GSE1: variants seen among roughly 807,000 people sequenced by gnomAD.
GSE1 encodes genetic suppressor element 1.
In GSE1, 32 loss-of-function variants were observed where a neutral mutation model predicts 112.6. The observed-to-expected ratio is 0.28, with a 90% CI of 0.21 to 0.38. The LOEUF is 0.38. Ranked by LOEUF, GSE1 falls within the 10% of genes least tolerant of loss-of-function variation. The pLI, the probability that GSE1 is intolerant of heterozygous loss-of-function variation, is 1.00. For synonymous variants in GSE1, 1,115 were observed against 735.6 expected, an observed-to-expected ratio of 1.52 and a Z score of -8.35; for missense variants, 2,348 against 1,699.2, an observed-to-expected ratio of 1.38 and a Z score of -6.71.
intron 1 of GSE1, among the ~76,000 whole-genome samples, chr16:85,191,767 G>A (rs4627330): frequency 6.6e-6 from 1 of 152,190 alleles, no homozygotes; most frequent in Non-Finnish European, 1.5e-5. Context: ...CCCCGGGTGA[G>A]AAGGGCCGCT....
intron 1 of GSE1, among the ~76,000 whole-genome samples, 158 bp from the exon 2 acceptor site, chr16:85,633,756 A>G (rs2151746375): frequency 6.6e-6 from 1 of 152,236 alleles, no homozygotes; most frequent in Middle Eastern, 3.4e-3. Flanking sequence ...TTCTCTCTGC[A>G]GCGCTGGCTC....
intron 13 of GSE1, 60 bp from the exon 14 acceptor site, chr16:85,668,080 G>A: frequency 7.5e-7 from 1 of 1,333,992 alleles, no homozygotes; most frequent in Non-Finnish European, 1.0e-6. Flanking sequence ...GCTCCCTTCT[G>A]AGACAGCACC....
intron 2 of GSE1, among the ~76,000 whole-genome samples, chr16:85,384,295 G>A (rs1032332418): frequency 4.6e-5 from 7 of 152,142 alleles, no homozygotes; most frequent in East Asian, 1.9e-4. Context: ...GGTGGCGAGC[G>A]GCCCATCCTG....
chr16:85,593,941 CG>C (rs1331351149), intron 1 of GSE1: 1 of 151,470 alleles, frequency 6.6e-6, no homozygotes, highest in Non-Finnish European at 1.5e-5. Flanking sequence ...TGGAGGGGCT[CG>C]GAAGCAGTGC....
At chr16:85,264,936 C>T (rs767697948) in intron 1 of GSE1, among the ~76,000 whole-genome samples, 29 of 152,184 alleles carry the variant, frequency 1.9e-4, no homozygotes, top group Non-Finnish European at 3.7e-4. Context: ...GACTTGGCCT[C>T]TCCGTGCCTC....
At chr16:85,622,141 C>T (rs1306602874) in intron 1 of GSE1, among the ~76,000 whole-genome samples, 1 of 152,152 alleles carries the variant, frequency 6.6e-6, no homozygotes, top group Non-Finnish European at 1.5e-5. Flanking sequence ...AAAAGGTGAC[C>T]AGTTTGTCCT....
In GSE1 at chr16:85,361,919, A is replaced by G. The variant is rs531040211; in HGVS notation, c.2464+4276A>G. On this transcript the variant is annotated intron_variant, in intron 2 of 2. Transcript: ENST00000637419. The stretch of plus-strand genomic sequence containing the variant: ...TGCGTCACTACGGTCGGATAGGGCC[A>G]CTGCCGTGTCCAGAGTGGGGCCACT... Among the ~76,000 whole-genome samples the G allele has an allele frequency of 1.8e-4, 28 of 152,202 alleles. No individual in the cohort carries two copies. In the South Asian group the frequency reaches 4.8e-3, roughly 26 times the overall value.
chr16:85,265,645 G>A (rs1399380519), intron 1 of GSE1, among the ~76,000 whole-genome samples: 1 of 152,154 alleles, frequency 6.6e-6, no homozygotes, highest in Non-Finnish European at 1.5e-5. Flanking sequence ...TGCCTACCCT[G>A]CTATTGCTGG....
chr16:85,374,619 T>C (rs1427974929), intron 2 of GSE1, among the ~76,000 whole-genome samples: 2 of 152,200 alleles, frequency 1.3e-5, no homozygotes, highest in South Asian at 2.1e-4. Context: ...GTGGCTGCCA[T>C]GGCCAGGCTG....
rs200326373 is a variant in GSE1, at chr16:85,654,300, G to A, written c.449G>A (p.Ser150Asn). 137 of 1,605,424 alleles carry A rather than the reference G, an allele frequency of 8.5e-5. No individual in the cohort carries two copies. The highest frequency in any genetic ancestry group is 3.5e-4 in the Middle Eastern group (2 of 5,792). ...SRQDAGSRSS[S>N]GGRERLIVEP... ...CAGGATGCCGGCTCCAGGAGCAGCA[G>A]TGGAGGTCGGGAACGCCTCATTGTG... The change falls in exon 4 of 16, where the codon AGT becomes AAT. Residue 150 changes from serine (S) to asparagine (N), a missense_variant. Physicochemically the swap from Ser to Asn is conservative, Grantham distance 46 (BLOSUM62 1). Transcript: ENST00000253458.
At chr16:85,630,004 C>T (rs2049407745) in intron 1 of GSE1, among the ~76,000 whole-genome samples, 1 of 152,212 alleles carries the variant, frequency 6.6e-6, no homozygotes, top group Non-Finnish European at 1.5e-5. Flanking sequence ...GATGAGCCTA[C>T]TTGAGATGTT....
At chr16:85,190,845 T>C (rs11866796) in intron 1 of GSE1, among the ~76,000 whole-genome samples, 17 of 152,230 alleles carry the variant, frequency 1.1e-4, no homozygotes, top group Non-Finnish European at 1.3e-4. Context: ...CTCACCAGGG[T>C]GGGGCTGATG....
At chr16:85,566,619 G>C (rs1598207834) in intron 1 of GSE1, among the ~76,000 whole-genome samples, 1 of 152,200 alleles carries the variant, frequency 6.6e-6, no homozygotes, top group African/African-American at 2.4e-5. Flanking sequence ...CACAGCCAGT[G>C]CCCCGAGGCC....
Position 85,627,825 on chromosome 16 carries a change from G to A in GSE1, c.8-6089G>A, listed in dbSNP as rs1237836817. Reference sequence around the variant, plus strand: ...AGAAGTTAATAAATACCTCTCTAATGAGGGCAGCAGGGGGGTGTGCTCTCC... The same window carrying A: ...AGAAGTTAATAAATACCTCTCTAATAAGGGCAGCAGGGGGGTGTGCTCTCC... On this transcript the variant is annotated intron_variant, in intron 1 of 15. Coordinates refer to ENST00000253458, the MANE Select transcript of GSE1 (RefSeq NM_014615.5). Among the ~76,000 whole-genome samples, 3 of 152,224 alleles carry A rather than the reference G, an allele frequency of 2.0e-5. No individual in the cohort carries two copies. The East Asian group carries it at 5.8e-4, about 29-fold the overall frequency.
At chr16:85,210,087 T>TA (rs1328156039) in intron 1 of GSE1, among the ~76,000 whole-genome samples, 1 of 152,144 alleles carries the variant, frequency 6.6e-6, no homozygotes, top group African/African-American at 2.4e-5. Context: ...GCTGCAAAAA[T>TA]ATGGCTCATT....
At chr16:85,409,745 G>A (rs1207231326) in intron 2 of GSE1, among the ~76,000 whole-genome samples, 2 of 3,174 alleles carry the variant, frequency 6.3e-4, no homozygotes, top group African/African-American at 7.1e-4. Context: ...CAGGCCCCCC[G>A]GATAATCCTC....
chr16:85,245,779 G>T (rs1905582324), intron 1 of GSE1, among the ~76,000 whole-genome samples: 1 of 152,108 alleles, frequency 6.6e-6, no homozygotes, highest in African/African-American at 2.4e-5. Context: ...GGGGTGCCTT[G>T]TCCAGCTCTG....
rs866172126 is a variant in GSE1 at position 85,675,418 on chromosome 16, T to C, written c.*2879T>C. On this transcript the variant is annotated 3_prime_UTR_variant, in exon 16 of 16. Transcript: ENST00000253458. ...CTGACATGATAAAATATCATGTTCC[T>C]AATCTGTTGTCTCAGATAAGTGACC... is the stretch of plus-strand genomic sequence containing the variant. 6.6e-6 allele frequency: 1 copy of C among 152,252 alleles called. No individual in the cohort carries two copies. The highest frequency in any genetic ancestry group is 1.5e-5 in the Non-Finnish European group (1 of 68,046). The allele number at this position is 152,252 out of a possible 1,614,324, so 9.4% of individuals were successfully genotyped here. A position where few individuals can be genotyped will look rare whatever the true frequency, so the allele number is the denominator to read the frequency against.
At chr16:85,255,072 G>T (rs1906919184) in intron 1 of GSE1, among the ~76,000 whole-genome samples, 1 of 151,376 alleles carries the variant, frequency 6.6e-6, no homozygotes. Context: ...CGGAGCAGAT[G>T]GGCCCAGAGA....
Sources: gnomAD v4.1 joint callset for allele counts (sites outside exome capture counted in the v4.1 genomes callset) on GRCh38, gnomAD v4.1.1 for gene constraint, MANE v1.5 for transcripts, NCBI Gene and HGNC (gene_info 2026-07-23, HGNC 2026-07-21) for gene names.